PRKDC: variants seen among roughly 807,000 people sequenced by gnomAD.
The protein encoded by PRKDC is protein kinase, DNA-activated, catalytic subunit.
PRKDC carries 82 observed loss-of-function variants against 486.9 expected under a neutral mutation model. The observed-to-expected ratio is 0.17, with a 90% CI of 0.14 to 0.20. The LOEUF (loss-of-function observed/expected upper bound fraction) is 0.20. Ranked by LOEUF, PRKDC falls within the 10% of genes least tolerant of loss-of-function variation. PRKDC has a pLI of 1.00. For missense variants in PRKDC, 4,504 were observed against 5,038.2 expected (o/e 0.89, Z 3.21); for synonymous variants, 1,895 against 1,837.0 (o/e 1.03, Z -0.81).
Position 47,836,379 on chromosome 8 carries a change from G to A in PRKDC, c.7910C>T (p.Ala2637Val), listed in dbSNP as rs750489111. The A allele has an allele frequency of 1.0e-5, 16 of 1,607,040 alleles. No homozygotes were observed. The highest frequency in any genetic ancestry group is 1.4e-5 in the Non-Finnish European group (16 of 1,175,992). Residue 2637 changes from alanine to valine, a missense_variant, in exon 58 of 86, where the codon GCC (alanine) becomes GTC (valine). Ala to Val is a moderately conservative substitution (Grantham distance 64, BLOSUM62 0). Transcript: ENST00000314191. The part of the protein sequence containing the change: ...ARWPVAGQIR[A>V]TQQQHDFTLT... Reference sequence around the variant, plus strand: ...TGTGAAGTCATGCTGCTGCTGGGTGGCCCTTATCTGCCCTGCCACTGGCCA... The same window carrying A: ...TGTGAAGTCATGCTGCTGCTGGGTGACCCTTATCTGCCCTGCCACTGGCCA...
intron 22 of PRKDC, among the ~76,000 whole-genome samples, chr8:47,918,018 G>A (rs2090014428): frequency 6.6e-6 from 1 of 151,964 alleles, no homozygotes; most frequent in Non-Finnish European, 1.5e-5. Flanking sequence ...CTAATTTTTT[G>A]TATTTTTTAA....
In PRKDC at chr8:47,934,996, A is replaced by G; in HGVS notation, c.1497+13T>C. The G allele has an allele frequency of 1.3e-6, 2 of 1,495,040 alleles. No individual in the cohort carries two copies. Among genetic ancestry groups the G allele is most frequent in the South Asian group, 1.3e-5 (1 of 79,584 alleles). The allele number at this position is 1,495,040 out of a possible 1,614,324, so 92.6% of individuals were successfully genotyped here. ...AACAGATTAATTTTCTAAACATTAA[A>G]TTCAGAATTTACCTTTGGAAGGACC... is the stretch of plus-strand genomic sequence containing the variant. On this transcript the variant is annotated intron_variant, in intron 14 of 85. Transcript: ENST00000314191.
intron 76 of PRKDC, among the ~76,000 whole-genome samples, chr8:47,787,122 A>G (rs2086804708): frequency 6.6e-6 from 1 of 152,182 alleles, no homozygotes. Context: ...TATTTACTTG[A>G]ATTATAAATC....
At chr8:47,872,844 A>G (rs917916617) in intron 40 of PRKDC, among the ~76,000 whole-genome samples, 2 of 152,208 alleles carry the variant, frequency 1.3e-5, no homozygotes, top group African/African-American at 2.4e-5. Flanking sequence ...ACAGCTGAAG[A>G]CTTCAACACC....
At chr8:47,886,941 C>A (rs1427115707) in intron 35 of PRKDC, among the ~76,000 whole-genome samples, 1 of 152,196 alleles carries the variant, frequency 6.6e-6, no homozygotes, top group Non-Finnish European at 1.5e-5. Context: ...CTGCCTACCC[C>A]AGTGTTGTTG....
At chr8:47,841,118 C>A (rs913499255) in intron 54 of PRKDC, among the ~76,000 whole-genome samples, 1 of 152,144 alleles carries the variant, frequency 6.6e-6, no homozygotes, top group East Asian at 1.9e-4. Context: ...GGGCAATCCA[C>A]GCTCGCCGTG....
chr8:47,924,284 C>T (rs2090120859), intron 21 of PRKDC, among the ~76,000 whole-genome samples: 1 of 152,086 alleles, frequency 6.6e-6, no homozygotes. Flanking sequence ...TGGGTCTGGG[C>T]ATGGTAGCTC....
At chr8:47,798,167 T>C in intron 73 of PRKDC, 70 bp downstream of exon 73, 6 of 1,509,472 alleles carry the variant, frequency 4.0e-6, no homozygotes, top group Non-Finnish European at 5.4e-6. Flanking sequence ...ACTAACGCGT[T>C]TGAATATAAA....
chr8:47,904,489 T>C (rs1490009966), intron 26 of PRKDC, among the ~76,000 whole-genome samples: 1 of 152,228 alleles, frequency 6.6e-6, no homozygotes, highest in East Asian at 1.9e-4. Flanking sequence ...CCTGGGCTCA[T>C]GCAATCTGCA....
At chr8:47,866,258 G>C (rs1048827175) in intron 40 of PRKDC, among the ~76,000 whole-genome samples, 2 of 151,996 alleles carry the variant, frequency 1.3e-5, no homozygotes, top group Non-Finnish European at 2.9e-5. Flanking sequence ...AGGCAAGCGG[G>C]CTGTCATTAG....
At chr8:47,828,668 A>C (rs536673489) in intron 61 of PRKDC, among the ~76,000 whole-genome samples, 1 of 152,336 alleles carries the variant, frequency 6.6e-6, no homozygotes, top group South Asian at 2.1e-4. Flanking sequence ...GGGCTACCAG[A>C]ACACATCACA....
Position 47,887,556 on chromosome 8 carries a change from A to T in PRKDC, c.4563T>A (p.Phe1521Leu), listed in dbSNP as rs2154501737. 6.3e-7 allele frequency: 1 copy of T among 1,582,230 alleles called. No homozygotes were observed. The highest frequency in any genetic ancestry group is 1.3e-5 in the African/African-American group (1 of 74,164). The change falls in exon 35 of 86, where the codon TTT becomes TTA. Residue 1521 changes from phenylalanine to leucine, a missense_variant. Physicochemically the swap from Phe to Leu is conservative, Grantham distance 22. Transcript: ENST00000314191. Reference protein sequence around the residue: ...ASGLLELAFAFGGLCERLVSL... With the variant: ...ASGLLELAFALGGLCERLVSL... The stretch of plus-strand genomic sequence containing the variant: ...GAGGCGTTTTTCCTACCAGTCCTCC[A>T]AAAGCAAAGGCTAACTCCAGAAGTC...
intron 12 of PRKDC, 127 bp from the exon 13 acceptor site, chr8:47,936,027 T>A (rs1209127351): frequency 8.5e-6 from 8 of 941,922 alleles, no homozygotes; most frequent in Non-Finnish European, 1.1e-5. Flanking sequence ...GTTTGTCATC[T>A]AACCTGCTGC....
chr8:47,883,987 T>C (rs953148904), intron 36 of PRKDC, among the ~76,000 whole-genome samples: 1 of 152,240 alleles, frequency 6.6e-6, no homozygotes, highest in African/African-American at 2.4e-5. Context: ...ATCTTTATTT[T>C]CTCTTAGGGC....
chr8:47,815,355 G>A (rs1016299892), intron 68 of PRKDC, among the ~76,000 whole-genome samples: 2 of 152,160 alleles, frequency 1.3e-5, no homozygotes, highest in African/African-American at 4.8e-5. Context: ...AACAAATGCG[G>A]CTAGATAGAT....
At chr8:47,925,290 C>G (rs1185494888) in intron 21 of PRKDC, among the ~76,000 whole-genome samples, 1 of 152,176 alleles carries the variant, frequency 6.6e-6, no homozygotes, top group Non-Finnish European at 1.5e-5. Flanking sequence ...TGGAAACAAC[C>G]AGCAAAGGCA....
intron 85 of PRKDC, 77 bp from the exon 86 acceptor site, chr8:47,774,454 C>T: frequency 7.4e-7 from 1 of 1,358,962 alleles, no homozygotes; most frequent in Non-Finnish European, 1.0e-6. Flanking sequence ...GTGATCCTAT[C>T]CAAACACATT....
At chr8:47,816,076 T>C (rs2087435578) in intron 68 of PRKDC, among the ~76,000 whole-genome samples, 1 of 152,104 alleles carries the variant, frequency 6.6e-6, no homozygotes, top group South Asian at 2.1e-4. Context: ...TAGCCGGGCA[T>C]GGTAGTGCGT....
intron 74 of PRKDC, among the ~76,000 whole-genome samples, chr8:47,793,456 G>A (rs920042065): frequency 6.6e-6 from 1 of 151,466 alleles, no homozygotes; most frequent in African/African-American, 2.4e-5. Context: ...CCTGGCCAAG[G>A]TGGCAAAACC....
Sources: allele counts gnomAD v4.1 joint callset (sites outside exome capture counted in the v4.1 genomes callset), GRCh38; gene constraint gnomAD v4.1.1; transcripts MANE v1.5; gene names NCBI Gene and HGNC (gene_info 2026-07-23, HGNC 2026-07-21).